Variants in NF2 observed in about 807,000 individuals in gnomAD.
NF2 encodes the protein merlin.
A neutral mutation model predicts 83.7 loss-of-function variants in NF2; 8 were observed. The observed-to-expected ratio is 0.10, with a 90% CI of 0.06 to 0.17. The LOEUF is 0.17. NF2 is among the 10% of genes least tolerant of loss of function. The pLI is 1.00. For synonymous variants in NF2, 266 were observed against 269.6 expected (o/e 0.99, Z 0.13); for missense variants, 533 against 744.4 (o/e 0.72, Z 3.31).
chr22:29,618,691 T>C (rs2065136138), intron 1 of NF2, among the ~76,000 whole-genome samples: 1 of 152,200 alleles, frequency 6.6e-6, no homozygotes, highest in Admixed American at 6.5e-5. Context: ...TTGTAAGAGA[T>C]CCTAATACTA....
intron 14 of NF2, among the ~76,000 whole-genome samples, chr22:29,680,575 G>A (rs768258899): frequency 3.3e-5 from 5 of 152,228 alleles, no homozygotes; most frequent in African/African-American, 4.8e-5. Flanking sequence ...CTTGTAGTTG[G>A]ACACTTTGTG....
At chr22:29,655,250 C>G (rs778275490) in intron 5 of NF2, among the ~76,000 whole-genome samples, 17 of 152,172 alleles carry the variant, frequency 1.1e-4, no homozygotes, top group Admixed American at 2.0e-4. Context: ...ACCTGTCCCT[C>G]GATGGCTTCT....
chr22:29,692,517 G>T (rs1234275157), intron 15 of NF2, among the ~76,000 whole-genome samples: 1 of 152,204 alleles, frequency 6.6e-6, no homozygotes, highest in African/African-American at 2.4e-5. Context: ...CATGCTCCTC[G>T]GGTGGAGGAT....
chr22:29,692,301 C>T (rs186931794), intron 15 of NF2, among the ~76,000 whole-genome samples: 2 of 152,324 alleles, frequency 1.3e-5, no homozygotes, highest in Non-Finnish European at 2.9e-5. Flanking sequence ...CCCTCTCTAC[C>T]TTTACTTGTG....
intron 10 of NF2, among the ~76,000 whole-genome samples, chr22:29,670,321 T>C (rs978605996): frequency 4.9e-4 from 75 of 152,134 alleles, no homozygotes; most frequent in Non-Finnish European, 8.7e-4. Flanking sequence ...TTTTTCTTTC[T>C]TTCTTTCTTA....
chr22:29,622,043 G>A (rs1051414727), intron 1 of NF2, among the ~76,000 whole-genome samples: 6 of 152,192 alleles, frequency 3.9e-5, no homozygotes, highest in Non-Finnish European at 7.3e-5. Context: ...AATAGGAAGC[G>A]TAAAAGAGAA....
rs773573049 is a variant in NF2, at chr22:29,661,287, A to G, written c.758A>G (p.Lys253Arg). Residue 253 changes from lysine to arginine, a missense_variant, in exon 8 of 16, where the codon AAG becomes AGG. Lys to Arg is a conservative substitution (Grantham distance 26). Around this residue, in one of 3 missense-constraint regions of NF2, gnomAD observed 326 missense variants for 475.1 expected, o/e 0.69. Transcript: ENST00000338641. ...IYDPENRLTP[K>R]ISFPWNEIRN... ...GACCCTGAGAACAGACTGACCCCCAAGATCTCCTTCCCGTGGAATGAAATC... is the reference window on the plus strand; with the variant it reads ...GACCCTGAGAACAGACTGACCCCCAGGATCTCCTTCCCGTGGAATGAAATC... The G allele has an allele frequency of 2.5e-6, 4 of 1,614,126 alleles. No individual in the cohort carries two copies. The highest frequency in any genetic ancestry group is 3.4e-6 in the Non-Finnish European group (4 of 1,180,050).
At chr22:29,649,500 G>A (rs1017984760) in intron 4 of NF2, among the ~76,000 whole-genome samples, 6 of 152,180 alleles carry the variant, frequency 3.9e-5, no homozygotes, top group African/African-American at 1.4e-4. Flanking sequence ...CCAGGAGTTC[G>A]AGACCTGCCT....
chr22:29,655,544 C>G (rs1372876067), intron 5 of NF2, 50 bp from the exon 6 acceptor site: 3 of 1,393,996 alleles, frequency 2.2e-6, no homozygotes, highest in Admixed American at 3.4e-5. Context: ...GCAAACAATA[C>G]CAAATTTACT....
intron 13 of NF2, among the ~76,000 whole-genome samples, chr22:29,677,353 G>A (rs1436990321): frequency 6.6e-6 from 1 of 152,096 alleles, no homozygotes; most frequent in Non-Finnish European, 1.5e-5. Context: ...GGAGAAATGG[G>A]ATAGGCAGGG....
intron 12 of NF2, among the ~76,000 whole-genome samples, chr22:29,674,385 G>C (rs2066898492): frequency 6.6e-6 from 1 of 152,194 alleles, no homozygotes; most frequent in African/African-American, 2.4e-5. Context: ...TGGAGAAAGT[G>C]GGCACAAGGC....
chr22:29,671,790 T>C (rs555991874), intron 10 of NF2, 36 bp from the exon 11 acceptor site: 47 of 1,613,124 alleles, frequency 2.9e-5, no homozygotes, highest in East Asian at 2.5e-4. Context: ...TCTCGAGCCC[T>C]GTGATTCAAT....
Position 29,654,741 on chromosome 22 carries a change from C to T in NF2, c.516+16C>T, listed in dbSNP as rs2146967657. On this transcript the variant is annotated intron_variant, in intron 5 of 15. Transcript: ENST00000338641. ...TCCAAAAAGGGTAAGAGATTAAATT[C>T]CCTTTTCAGGAAGACATAGCAGATA... 6.2e-7 allele frequency: 1 copy of T among 1,600,908 alleles called. No individual in the cohort carries two copies. Among genetic ancestry groups the T allele is most frequent in the Admixed American group, 1.7e-5 (1 of 60,000 alleles).
chr22:29,613,637 A>G (rs2065010056), intron 1 of NF2, among the ~76,000 whole-genome samples: 1 of 152,168 alleles, frequency 6.6e-6, no homozygotes, highest in African/African-American at 2.4e-5. Context: ...AATAGAGTTG[A>G]GAGTTCATGG....
At position 29,642,237 on chromosome 22, in the gene NF2, C is replaced by T. The variant is rs1445163630; in HGVS notation, c.399C>T (p.Cys133=). The T allele has an allele frequency of 1.9e-6, 3 of 1,614,012 alleles. No individual in the cohort carries two copies. The highest frequency in any genetic ancestry group is 1.7e-6 in the Non-Finnish European group (2 of 1,179,868). ...KKQILDEKIY[C]PPEASVLLAS... ...AGATTTTAGATGAAAAGATCTACTG[C>T]CCTCCTGAGGCTTCTGTGCTCCTGG... is the stretch of plus-strand genomic sequence containing the variant. Residue 133 remains cysteine, a synonymous_variant, in exon 4 of 16, where the codon TGC becomes TGT. Transcript: ENST00000338641.
chr22:29,675,024 T>G, intron 13 of NF2, 83 bp downstream of exon 13: 1 of 1,224,142 alleles, frequency 8.2e-7, no homozygotes, highest in Non-Finnish European at 1.2e-6. Context: ...CATCTGGCGG[T>G]GCCTTCAGGG....
intron 1 of NF2, among the ~76,000 whole-genome samples, chr22:29,607,884 C>T (rs1385402052): frequency 6.6e-6 from 1 of 151,854 alleles, no homozygotes; most frequent in African/African-American, 2.4e-5. Flanking sequence ...GTTGAAAGTA[C>T]AATAACAGCT....
chr22:29,625,296 G>T (rs962045038), intron 1 of NF2, among the ~76,000 whole-genome samples: 1 of 152,150 alleles, frequency 6.6e-6, no homozygotes, highest in Non-Finnish European at 1.5e-5. Flanking sequence ...GTGATAGCAG[G>T]ATTCTTTTCG....
intron 13 of NF2, among the ~76,000 whole-genome samples, chr22:29,676,326 A>T (rs893328134): frequency 6.6e-6 from 1 of 151,682 alleles, no homozygotes; most frequent in Non-Finnish European, 1.5e-5. Context: ...GACATGCACC[A>T]CCACGCCCAG....
Sources: allele counts gnomAD v4.1 joint callset (sites outside exome capture counted in the v4.1 genomes callset), GRCh38; gene constraint gnomAD v4.1.1; regional missense constraint gnomAD v4.1.1; transcripts MANE v1.5; gene names NCBI Gene and HGNC (gene_info 2026-07-23, HGNC 2026-07-21).